Variants in SLC9A5 observed in about 807,000 individuals in gnomAD.
SLC9A5 encodes the protein solute carrier family 9 member A5.
A neutral mutation model predicts 91.7 loss-of-function variants in SLC9A5; 52 were observed. The observed-to-expected ratio is 0.57, with a 90% CI of 0.45 to 0.71. The LOEUF is 0.71. SLC9A5 is among the 30% of genes least tolerant of loss of function. The pLI is 0.00. For missense variants in SLC9A5, 871 were observed against 1,158.9 expected, an observed-to-expected ratio of 0.75 and a Z score of 3.61; for synonymous variants, 419 against 474.5, an observed-to-expected ratio of 0.88 and a Z score of 1.52.
intron 13 of SLC9A5, 114 bp downstream of exon 13, chr16:67,264,636 G>A (rs2035640822): frequency 2.5e-5 from 26 of 1,020,112 alleles, no homozygotes; most frequent in Non-Finnish European, 3.6e-5. Flanking sequence ...ACAGTCCTCA[G>A]GGGCTTGATG....
chr16:67,254,465 C>T (rs1045280773), intron 2 of SLC9A5, among the ~76,000 whole-genome samples: 4 of 152,274 alleles, frequency 2.6e-5, no homozygotes, highest in East Asian at 1.9e-4. Context: ...GGCACAATCT[C>T]GGCTCACTGC....
In SLC9A5 at chr16:67,256,958, C is replaced by T. The variant is rs759018744; in HGVS notation, c.1180C>T (p.Leu394=). ...WVLNQFRLVP[L]DKIDQVVMSY... ...GCTGAATCAGTTCCGGCTAGTCCCT[C>T]TGGACAAGATTGACCAAGTGGTGAT... Residue 394 remains leucine (L), a synonymous_variant, in exon 7 of 16, where the codon CTG becomes TTG. Coordinates refer to ENST00000299798, the MANE Select transcript of SLC9A5 (RefSeq NM_004594.3). The surrounding 1 kb of genome is among the most constrained non-coding windows in gnomAD (Gnocchi z 4.1). The T allele has an allele frequency of 9.3e-6, 15 of 1,614,186 alleles. No homozygotes were observed. The highest frequency in any genetic ancestry group is 1.3e-5 in the African/African-American group (1 of 75,078).
At chr16:67,263,434 G>A (rs1165926847) in intron 12 of SLC9A5, 1 of 149,690 alleles carries the variant, frequency 6.7e-6, no homozygotes, top group East Asian at 1.9e-4. Flanking sequence ...TAAGCAAGGA[G>A]GGTAGAGGCA....
In SLC9A5 at chr16:67,271,074, G is replaced by A. The variant is rs778613956; in HGVS notation, c.2555G>A (p.Arg852His). Residue 852 changes from arginine (R) to histidine (H), a missense_variant, in exon 16 of 16, where the codon CGC (arginine) becomes CAC (histidine). Physicochemically the swap from Arg to His is conservative, Grantham distance 29 (BLOSUM62 0). Transcript: ENST00000299798. The part of the protein sequence containing the change: ...PPSLAKAGRS[R>H]SESSADLPQQ... The stretch of plus-strand genomic sequence containing the variant: ...AGCCTGGCCAAGGCTGGCCGCTCTC[G>A]CAGTGAGAGCAGCGCTGACCTCCCC... 1.3e-5 allele frequency: 21 copies of A among 1,612,550 alleles called. No individual in the cohort carries two copies. Among genetic ancestry groups the A allele is most frequent in the African/African-American group, 5.3e-5 (4 of 74,986 alleles).
At position 67,271,462 on chromosome 16, in the gene SLC9A5, A is replaced by G; in HGVS notation, c.*252A>G. 1.9e-6 allele frequency: 1 copy of G among 538,466 alleles called. No individual in the cohort carries two copies. Among genetic ancestry groups the G allele is most frequent in the East Asian group, 3.0e-5 (1 of 32,906 alleles). The allele number at this position is 538,466 out of a possible 1,614,324, so 33.4% of individuals were successfully genotyped here. On this transcript the variant is annotated 3_prime_UTR_variant, in exon 16 of 16. Transcript: ENST00000299798. ...TCTACTCTGGCTCAGGACCCAGTCC[A>G]GGCCTTCTACGGGCTAGGCCCAGAG...
intron 15 of SLC9A5, among the ~76,000 whole-genome samples, chr16:67,268,765 G>T (rs1215576851): frequency 4.3e-5 from 6 of 138,458 alleles, no homozygotes; most frequent in Non-Finnish European, 9.3e-5. Context: ...TGATTCTCCA[G>T]GGGGATGGTG....
Position 67,256,439 on chromosome 16 carries a change from C to T in SLC9A5, c.912-30C>T, listed in dbSNP as rs990283319. 2 of 1,528,722 alleles carry T rather than the reference C, an allele frequency of 1.3e-6. No individual in the cohort carries two copies. The highest frequency in any genetic ancestry group is 2.2e-5 in the South Asian group (2 of 89,696). The allele number at this position is 1,528,722 out of a possible 1,614,324, so 94.7% of individuals were successfully genotyped here. ...GGCTGAGCCCCCTGGAACCCTTCCC[C>T]ACTTGCCATGTCTCTCCATCCTCTC... On this transcript the variant is annotated intron_variant, in intron 5 of 15. Transcript: ENST00000299798. This position sits in a 1 kb window ranked among gnomAD's most constrained non-coding sequence, Gnocchi z 4.1.
At chr16:67,266,016 G>T in intron 14 of SLC9A5, 72 bp from the exon 15 acceptor site, 1 of 1,580,960 alleles carries the variant, frequency 6.3e-7, no homozygotes, top group South Asian at 1.2e-5. Context: ...CAGGGAGCTG[G>T]CTTGGGGCTG....
intron 2 of SLC9A5, among the ~76,000 whole-genome samples, chr16:67,254,482 C>T (rs1480154606): frequency 3.3e-5 from 5 of 152,192 alleles, no homozygotes; most frequent in South Asian, 4.1e-4. Flanking sequence ...CTGCGGCCTC[C>T]GCCTCCCTGG....
Position 67,256,252 on chromosome 16 carries a change from T to C in SLC9A5, c.912-217T>C, listed in dbSNP as rs9931407. On this transcript the variant is annotated intron_variant, in intron 5 of 15. Transcript: ENST00000299798. This position sits in a 1 kb window ranked among gnomAD's most constrained non-coding sequence, Gnocchi z 4.1. ...AGCCCGCTAGTCAGAGCACGTTCCT[T>C]CCACCTTCCCTTCCAGGAGACACTG... 0.13 allele frequency among the ~76,000 whole-genome samples: 19,359 copies of C among 152,176 alleles called. 2,778 individuals are homozygous for C. The highest frequency in any genetic ancestry group is 0.35 in the African/African-American group (14,651 of 41,480).
Position 67,270,640 on chromosome 16 carries a change from C to T in SLC9A5, c.2219-98C>T, listed in dbSNP as rs533508539. On this transcript the variant is annotated intron_variant, in intron 15 of 15. Transcript: ENST00000299798. The surrounding 1 kb of genome is among the most constrained non-coding windows in gnomAD (Gnocchi z 4.3). Reference sequence around the variant, plus strand: ...TTCATCCGATAATCGCAAAAATGGACGGCATATGGAAACTGTGGCATGAAT... The same window carrying T: ...TTCATCCGATAATCGCAAAAATGGATGGCATATGGAAACTGTGGCATGAAT... 21 of 870,360 alleles carry T rather than the reference C, an allele frequency of 2.4e-5. No homozygotes were observed. Among genetic ancestry groups the T allele is most frequent in the South Asian group, 1.2e-4 (6 of 51,974 alleles). 53.9% of individuals were successfully genotyped at this position (870,360 alleles called of 1,614,324 possible).
chr16:67,254,795 G>A (rs1207274156), intron 2 of SLC9A5, among the ~76,000 whole-genome samples: 4 of 152,230 alleles, frequency 2.6e-5, no homozygotes, highest in East Asian at 3.8e-4. Context: ...TGACAGTGAC[G>A]GACCAGCATC....
At position 67,264,503 on chromosome 16, in the gene SLC9A5, G is replaced by C. The variant is rs766311207; in HGVS notation, c.1994G>C (p.Arg665Pro). 2 of 1,614,014 alleles carry C rather than the reference G, an allele frequency of 1.2e-6. No homozygotes were observed. The highest frequency in any genetic ancestry group is 1.1e-5 in the South Asian group (1 of 91,086). Residue 665 changes from arginine to proline, a missense_variant, in exon 13 of 16, where the codon CGC (arginine) becomes CCC (proline). This residue lies in a region of SLC9A5 where 295 missense variants were observed against 326.0 expected (regional missense o/e 0.90). Transcript: ENST00000299798. The stretch of plus-strand genomic sequence containing the variant: ...TTCACCAAGAGCAAGCCACGACCCC[G>C]CAAGACTGGCCGCAGGAAGGCATGT... Reference protein sequence around the residue: ...ICFTKSKPRPRKTGRRKKDGV... With the variant: ...ICFTKSKPRPPKTGRRKKDGV...
Position 67,256,522 on chromosome 16 carries a change from A to AT in SLC9A5, c.966dup (p.Lys323Ter). ...AAGTACGTGGAGGCCAACATCTCCC[A>AT]TAAGTCACGCACAACTGTCAAATAT... On this transcript the variant is annotated frameshift_variant, in exon 6 of 16. Coordinates refer to ENST00000299798, the MANE Select transcript of SLC9A5 (RefSeq NM_004594.3). LOFTEE classifies it high-confidence loss of function. The surrounding 1 kb of genome is among the most constrained non-coding windows in gnomAD (Gnocchi z 4.1). The AT allele has an allele frequency of 6.2e-7, 1 of 1,613,838 alleles. No individual in the cohort carries two copies. The highest frequency in any genetic ancestry group is 8.5e-7 in the Non-Finnish European group (1 of 1,180,006).
intron 15 of SLC9A5, among the ~76,000 whole-genome samples, chr16:67,268,757 A>T (rs1476898393): frequency 7.7e-6 from 1 of 129,708 alleles, no homozygotes; most frequent in Non-Finnish European, 1.6e-5. Flanking sequence ...TATAGCAGTG[A>T]TTCTCCAGGG....
At chr16:67,261,819 A>G (rs1203385479) in intron 12 of SLC9A5, 1 of 152,732 alleles carries the variant, frequency 6.5e-6, no homozygotes, top group Non-Finnish European at 1.5e-5. Flanking sequence ...CGTTCCCTAT[A>G]TTTCCTGGTT....
rs1722929806 is a variant in SLC9A5 at position 67,256,487 on chromosome 16, G to A, written c.930G>A (p.Leu310=). The part of the protein sequence containing the change: ...SAILAVTMCG[L]GCKKYVEANI... ...CTCCCAGGGTGACCATGTGTGGCCT[G>A]GGCTGTAAGAAGTACGTGGAGGCCA... The change falls in exon 6 of 16, where the codon CTG becomes CTA. Residue 310 remains leucine, a synonymous_variant. Coordinates refer to ENST00000299798, the MANE Select transcript of SLC9A5 (RefSeq NM_004594.3). This position sits in a 1 kb window ranked among gnomAD's most constrained non-coding sequence, Gnocchi z 4.1. The A allele has an allele frequency of 6.2e-7, 1 of 1,610,860 alleles. No individual in the cohort carries two copies. Among genetic ancestry groups the A allele is most frequent in the South Asian group, 1.1e-5 (1 of 91,078 alleles).
chr16:67,264,492 G>C lies in SLC9A5; in HGVS notation c.1983G>C (p.Lys661Asn). ...ACAACATCTGCTTCACCAAGAGCAA[G>C]CCACGACCCCGCAAGACTGGCCGCA... ...TKHNICFTKS[K>N]PRPRKTGRRK... The change falls in exon 13 of 16, where the codon AAG becomes AAC. Residue 661 changes from lysine (K) to asparagine (N), a missense_variant. Coordinates refer to ENST00000299798, the MANE Select transcript of SLC9A5 (RefSeq NM_004594.3). 1 of 1,614,194 alleles carries C rather than the reference G, an allele frequency of 6.2e-7. No individual in the cohort carries two copies. Among genetic ancestry groups the C allele is most frequent in the Non-Finnish European group, 8.5e-7 (1 of 1,180,040 alleles).
At position 67,257,508 on chromosome 16, in the gene SLC9A5, C is replaced by T. The variant is rs1178612210; in HGVS notation, c.1426-23C>T. 1.2e-6 allele frequency: 2 copies of T among 1,613,728 alleles called. No individual in the cohort carries two copies. Among genetic ancestry groups the T allele is most frequent in the Non-Finnish European group, 1.7e-6 (2 of 1,179,650 alleles). ...ATTTTGGGCAGAGTCCTGATCCAGTCCCCCTACCCACCCCCCTTCTAGACT... is the reference window on the plus strand; with the variant it reads ...ATTTTGGGCAGAGTCCTGATCCAGTTCCCCTACCCACCCCCCTTCTAGACT... On this transcript the variant is annotated intron_variant, in intron 8 of 15. Transcript: ENST00000299798. This position sits in a 1 kb window ranked among gnomAD's most constrained non-coding sequence, Gnocchi z 5.1.
Sources: allele counts gnomAD v4.1 joint callset (sites outside exome capture counted in the v4.1 genomes callset), GRCh38; gene constraint gnomAD v4.1.1; regional missense constraint gnomAD v4.1.1; non-coding constraint Gnocchi (gnomAD v3.1); transcripts MANE v1.5; gene names NCBI Gene and HGNC (gene_info 2026-07-23, HGNC 2026-07-21).